SYNE2: variants seen among roughly 807,000 people sequenced by gnomAD.
SYNE2 encodes spectrin repeat containing nuclear envelope protein 2, also known as nesprin-2.
A neutral mutation model predicts 856.3 loss-of-function variants in SYNE2; 431 were observed. The observed-to-expected ratio is 0.50, with a 90% CI of 0.47 to 0.55. The LOEUF is 0.55. SYNE2 is among the 20% of genes least tolerant of loss of function. The pLI is 0.00. For synonymous variants in SYNE2, 2,923 were observed against 2,872.3 expected (o/e 1.02, Z -0.56); for missense variants, 8,129 against 8,023.2 (o/e 1.01, Z -0.50).
chr14:63,958,193 G>A (rs527678449), intron 8 of SYNE2, among the ~76,000 whole-genome samples: 1 of 152,240 alleles, frequency 6.6e-6, no homozygotes, highest in South Asian at 2.1e-4. Flanking sequence ...TATAATTAAT[G>A]AACCAATATG....
At chr14:64,117,350 A>T (rs2097860364) in intron 66 of SYNE2, among the ~76,000 whole-genome samples, 1 of 152,158 alleles carries the variant, frequency 6.6e-6, no homozygotes, top group Admixed American at 6.5e-5. Context: ...CCCAGGCTGG[A>T]GTGCAGTAGC....
intron 7 of SYNE2, among the ~76,000 whole-genome samples, chr14:63,952,219 T>G (rs1813683659): frequency 6.6e-6 from 1 of 152,188 alleles, no homozygotes; most frequent in South Asian, 2.1e-4. Context: ...GGTATTGGCT[T>G]TGGCTCATCA....
intron 2 of SYNE2, among the ~76,000 whole-genome samples, chr14:63,929,257 C>T (rs1337471192): frequency 1.3e-5 from 2 of 152,054 alleles, no homozygotes; most frequent in Non-Finnish European, 1.5e-5. Flanking sequence ...ATTAATAATT[C>T]ATTATGTTTA....
At chr14:63,945,286 A>G (rs945327764) in intron 6 of SYNE2, among the ~76,000 whole-genome samples, 1 of 152,018 alleles carries the variant, frequency 6.6e-6, no homozygotes, top group Admixed American at 6.6e-5. Flanking sequence ...CAGCATCCCT[A>G]AGTGCCCCAG....
At chr14:64,054,973 C>G (rs2097257671) in intron 48 of SYNE2, among the ~76,000 whole-genome samples, 1 of 152,128 alleles carries the variant, frequency 6.6e-6, no homozygotes, top group South Asian at 2.1e-4. Context: ...TTGAGTATTT[C>G]TCCACTTGAA....
chr14:64,143,020 A>G (rs2098152384), intron 82 of SYNE2, among the ~76,000 whole-genome samples: 1 of 152,222 alleles, frequency 6.6e-6, no homozygotes, highest in South Asian at 2.1e-4. Flanking sequence ...TTAATCACCA[A>G]GCAAGATATT....
chr14:64,056,932 G>A (rs1390233090), intron 49 of SYNE2, among the ~76,000 whole-genome samples: 2 of 151,746 alleles, frequency 1.3e-5, no homozygotes, highest in African/African-American at 4.8e-5. Flanking sequence ...TGTGTGTCCT[G>A]TTTTCACAAT....
chr14:63,935,978 G>A (rs2095825832), intron 2 of SYNE2, among the ~76,000 whole-genome samples: 1 of 152,192 alleles, frequency 6.6e-6, no homozygotes, highest in Non-Finnish European at 1.5e-5. Context: ...ACATTCAAGC[G>A]ATTCTCCTGC....
At chr14:63,762,595 CT>C (rs869117825) in intron 1 of SYNE2, among the ~76,000 whole-genome samples, 55 of 20,442 alleles carry the variant, frequency 2.7e-3, no homozygotes, top group Admixed American at 5.2e-3. Flanking sequence ...TTTTTTCTTT[CT>C]TTTTTTTTTT....
intron 1 of SYNE2, among the ~76,000 whole-genome samples, chr14:63,882,424 CAT>C (rs2094885117): frequency 6.6e-6 from 1 of 152,002 alleles, no homozygotes; most frequent in African/African-American, 2.4e-5. Flanking sequence ...GAATGAGTAA[CAT>C]GTGGAGGCCG....
At chr14:64,160,756 A>C (rs1004226145) in intron 87 of SYNE2, among the ~76,000 whole-genome samples, 23 of 152,234 alleles carry the variant, frequency 1.5e-4, no homozygotes, top group Non-Finnish European at 1.2e-4. Flanking sequence ...AAAGCCTTAC[A>C]AATATTTACA....
intron 76 of SYNE2, among the ~76,000 whole-genome samples, chr14:64,130,958 A>C (rs2098013598): frequency 1.3e-5 from 2 of 152,150 alleles, no homozygotes; most frequent in South Asian, 4.1e-4. Flanking sequence ...TATGTAGTAT[A>C]AGACTATAGT....
chr14:64,065,634 A>G lies in SYNE2; in HGVS notation c.10415A>G (p.Lys3472Arg). 1.2e-5 allele frequency: 20 copies of G among 1,614,170 alleles called. No individual in the cohort carries two copies. Among genetic ancestry groups the G allele is most frequent in the Non-Finnish European group, 1.5e-5 (18 of 1,180,024 alleles). The change falls in exon 51 of 116, where the codon AAA becomes AGA. Residue 3472 changes from lysine to arginine, a missense_variant. By Grantham distance (26) the Lys-to-Arg change is conservative. Coordinates refer to ENST00000555002, the MANE Select transcript of SYNE2 (RefSeq NM_182914.3). Reference protein sequence around the residue: ...MWCEELKQEWKFVSEEIEREA... With the variant: ...MWCEELKQEWRFVSEEIEREA... ...TGCGAAGAACTGAAGCAGGAATGGA[A>G]ATTTGTCAGTGAAGAAGTGAGTGCT...
intron 97 of SYNE2, 66 bp from the exon 98 acceptor site, chr14:64,188,484 G>C: frequency 6.3e-7 from 1 of 1,587,052 alleles, no homozygotes; most frequent in Non-Finnish European, 8.6e-7. Flanking sequence ...CAGTTTTTTT[G>C]AGGGAGAGAA....
intron 1 of SYNE2, among the ~76,000 whole-genome samples, chr14:63,859,003 G>T (rs550298516): frequency 1.3e-5 from 2 of 152,068 alleles, no homozygotes; most frequent in African/African-American, 4.8e-5. Flanking sequence ...TTTGTTTATG[G>T]TGTGAATATG....
intron 57 of SYNE2, chr14:64,084,554 C>A (rs72720306): frequency 0.1 from 17,682 of 170,606 alleles, 1,093 homozygotes; most frequent in African/African-American, 0.17. Flanking sequence ...CTTTGAGATT[C>A]ATCCAGGTTG....
At position 64,045,896 on chromosome 14, in the gene SYNE2, T is replaced by G. The variant is rs532235292; in HGVS notation, c.7222-2104T>G. Among the ~76,000 whole-genome samples, 7 of 152,314 alleles carry G rather than the reference T, an allele frequency of 4.6e-5. No individual in the cohort carries two copies. In the East Asian group the frequency reaches 1.2e-3, roughly 25 times the overall value. On this transcript the variant is annotated intron_variant, in intron 45 of 115. Coordinates refer to ENST00000555002, the MANE Select transcript of SYNE2 (RefSeq NM_182914.3). Reference sequence around the variant, plus strand: ...TTGCAGAGATAATACAAAAAGTTCCTTCACACCCCTGCACCCAGTTTCCCC... The same window carrying G: ...TTGCAGAGATAATACAAAAAGTTCCGTCACACCCCTGCACCCAGTTTCCCC...
chr14:63,937,180 C>T (rs932359905), intron 2 of SYNE2, among the ~76,000 whole-genome samples: 2 of 152,070 alleles, frequency 1.3e-5, no homozygotes, highest in Non-Finnish European at 2.9e-5. Context: ...GGGACCTAAT[C>T]GGTATGGGTT....
chr14:63,806,362 T>C (rs954406091), intron 1 of SYNE2, among the ~76,000 whole-genome samples: 54 of 152,228 alleles, frequency 3.5e-4, no homozygotes, highest in African/African-American at 1.3e-3. Flanking sequence ...CTTTTTGATG[T>C]GCTGCTGGAT....
Sources: allele counts gnomAD v4.1 joint callset (sites outside exome capture counted in the v4.1 genomes callset), GRCh38; gene constraint gnomAD v4.1.1; transcripts MANE v1.5; gene names NCBI Gene and HGNC (gene_info 2026-07-23, HGNC 2026-07-21).